ST6GALNAC3: variants seen among roughly 807,000 people sequenced by gnomAD.
The protein encoded by ST6GALNAC3 is ST6 N-acetylgalactosaminide alpha-2,6-sialyltransferase 3.
Under a neutral mutation model 32.7 loss-of-function variants are expected in ST6GALNAC3, and 25 were observed. The ratio of observed to expected loss-of-function variants is 0.76; its 90% CI spans 0.56 to 1.07. The LOEUF is 1.07. Among genes scored for constraint, ST6GALNAC3 ranks in the 50% least tolerant of loss-of-function variants. The pLI is 0.00. For synonymous variants in ST6GALNAC3, 129 were observed against 133.1 expected (o/e 0.97, Z 0.21); for missense variants, 355 against 382.4 (o/e 0.93, Z 0.60).
At chr1:76,144,721 G>T (rs1289106424) in intron 1 of ST6GALNAC3, among the ~76,000 whole-genome samples, 3 of 152,196 alleles carry the variant, frequency 2.0e-5, no homozygotes, top group Admixed American at 6.5e-5. Flanking sequence ...CTAGTCTATA[G>T]TTCCTGGTAT....
chr1:76,523,239 T>G (rs1440128433), intron 3 of ST6GALNAC3, among the ~76,000 whole-genome samples: 1 of 152,182 alleles, frequency 6.6e-6, no homozygotes, highest in African/African-American at 2.4e-5. Flanking sequence ...CTCCAACATT[T>G]TATCTTTTTG....
chr1:76,251,524 C>T (rs370440904), intron 1 of ST6GALNAC3, among the ~76,000 whole-genome samples: 183 of 152,276 alleles, frequency 1.2e-3, no homozygotes, highest in African/African-American at 4.0e-3. Flanking sequence ...CTCCTCACAT[C>T]ATGGTCATCT....
chr1:76,321,781 G>A (rs17098736), intron 2 of ST6GALNAC3, among the ~76,000 whole-genome samples: 1 of 151,984 alleles, frequency 6.6e-6, no homozygotes, highest in African/African-American at 2.4e-5. Context: ...AGGTTATAAT[G>A]CCAGAAAATG....
At chr1:76,592,634 T>TCCTCTTCA (rs1647066539) in intron 3 of ST6GALNAC3, among the ~76,000 whole-genome samples, 2 of 152,136 alleles carry the variant, frequency 1.3e-5, no homozygotes, top group Non-Finnish European at 2.9e-5. Context: ...CACCGCCCAC[T>TCCTCTTCA]CCTCTTCACC....
chr1:76,267,972 C>A (rs1477342178), intron 1 of ST6GALNAC3, among the ~76,000 whole-genome samples: 1 of 152,120 alleles, frequency 6.6e-6, no homozygotes, highest in Non-Finnish European at 1.5e-5. Context: ...ACTGAGCAAC[C>A]AAAATGCTTT....
intron 1 of ST6GALNAC3, among the ~76,000 whole-genome samples, chr1:76,194,255 T>G (rs1654067050): frequency 6.6e-6 from 1 of 152,182 alleles, no homozygotes; most frequent in Non-Finnish European, 1.5e-5. Flanking sequence ...GGAAGAAATG[T>G]AATCTGAGAT....
chr1:76,520,114 C>G (rs1318934565), intron 3 of ST6GALNAC3, among the ~76,000 whole-genome samples: 3 of 151,868 alleles, frequency 2.0e-5, no homozygotes, highest in African/African-American at 7.3e-5. Flanking sequence ...GTCAGTGACT[C>G]TTTTTTCATA....
At chr1:76,344,026 A>G (rs1648285876) in intron 2 of ST6GALNAC3, among the ~76,000 whole-genome samples, 2 of 152,216 alleles carry the variant, frequency 1.3e-5, no homozygotes, top group South Asian at 2.1e-4. Context: ...GGCTCCTGGA[A>G]TTCATAATAT....
chr1:76,269,257 T>G (rs1434860921), intron 1 of ST6GALNAC3, among the ~76,000 whole-genome samples: 1 of 152,168 alleles, frequency 6.6e-6, no homozygotes, highest in African/African-American at 2.4e-5. Context: ...TTTCTTTCAA[T>G]CCTTTTAGGG....
At chr1:76,157,433 T>C (rs1651526381) in intron 1 of ST6GALNAC3, among the ~76,000 whole-genome samples, 1 of 152,238 alleles carries the variant, frequency 6.6e-6, no homozygotes, top group African/African-American at 2.4e-5. Context: ...TCAAAATTGT[T>C]AACTTATACC....
chr1:76,309,873 A>G lies in ST6GALNAC3; in HGVS notation c.19-3932A>G, dbSNP rs1646723722. On this transcript the variant is annotated intron_variant, in intron 1 of 4. Transcript: ENST00000328299. ...ATTACTTGGTTCCCTTTGATAGAACATGAGAGGCAGACATGGGTTGCCAGG... is the reference window on the plus strand; with the variant it reads ...ATTACTTGGTTCCCTTTGATAGAACGTGAGAGGCAGACATGGGTTGCCAGG... The G allele has an allele frequency of 1.1e-5, 5 of 445,312 alleles. No individual in the cohort carries two copies. The Admixed American group carries it at 1.2e-4, about 11-fold the overall frequency. The allele number at this position is 445,312 out of a possible 1,614,324, so 27.6% of individuals were successfully genotyped here.
At chr1:76,582,716 C>T (rs1570360620) in intron 3 of ST6GALNAC3, among the ~76,000 whole-genome samples, 5 of 152,100 alleles carry the variant, frequency 3.3e-5, no homozygotes, top group Middle Eastern at 3.2e-3. Flanking sequence ...AATATGCTTT[C>T]TTATTACCCA....
intron 3 of ST6GALNAC3, among the ~76,000 whole-genome samples, chr1:76,428,774 C>T (rs1369678335): frequency 6.6e-6 from 1 of 152,128 alleles, no homozygotes; most frequent in Non-Finnish European, 1.5e-5. Flanking sequence ...TTTATCTTTA[C>T]ATAATGCTAA....
At chr1:76,277,567 TACACACAC>T (rs1553172548) in intron 1 of ST6GALNAC3, among the ~76,000 whole-genome samples, 1 of 51,274 alleles carries the variant, frequency 2.0e-5, no homozygotes, top group Non-Finnish European at 3.7e-5. Context: ...TATATATATA[TACACACAC>T]ACATATGTTT....
intron 1 of ST6GALNAC3, among the ~76,000 whole-genome samples, chr1:76,215,963 T>C (rs1655435884): frequency 6.6e-6 from 1 of 152,148 alleles, no homozygotes; most frequent in African/African-American, 2.4e-5. Context: ...GTTGAGAATT[T>C]AAAGGGACTT....
intron 1 of ST6GALNAC3, among the ~76,000 whole-genome samples, chr1:76,301,978 A>G (rs1660753259): frequency 6.6e-6 from 1 of 151,926 alleles, no homozygotes; most frequent in Admixed American, 6.6e-5. Flanking sequence ...ATGCCTCCTT[A>G]AGGATGTGGG....
chr1:76,240,151 G>A (rs541024494), intron 1 of ST6GALNAC3, among the ~76,000 whole-genome samples: 6 of 152,258 alleles, frequency 3.9e-5, no homozygotes, highest in Admixed American at 2.6e-4. Context: ...ACAGTACAGT[G>A]TCTTGCTGTA....
chr1:76,391,773 C>T (rs1652585533), intron 2 of ST6GALNAC3, among the ~76,000 whole-genome samples: 1 of 152,252 alleles, frequency 6.6e-6, no homozygotes, highest in African/African-American at 2.4e-5. Flanking sequence ...AAATTTTCTG[C>T]TTCATCAAAC....
intron 3 of ST6GALNAC3, among the ~76,000 whole-genome samples, chr1:76,585,000 T>G (rs1646939920): frequency 6.6e-6 from 1 of 152,222 alleles, no homozygotes; most frequent in Admixed American, 6.5e-5. Flanking sequence ...CAGCCCATTA[T>G]GATAAAGCAG....
Sources: gnomAD v4.1 joint callset for allele counts (sites outside exome capture counted in the v4.1 genomes callset) on GRCh38, gnomAD v4.1.1 for gene constraint, MANE v1.5 for transcripts, NCBI Gene and HGNC (gene_info 2026-07-23, HGNC 2026-07-21) for gene names.